CATSPERB: variants seen among roughly 807,000 people sequenced by gnomAD.
CATSPERB encodes cation channel sperm-associated auxiliary subunit beta.
In CATSPERB, 93 loss-of-function variants were observed where a neutral mutation model predicts 128.3. The observed-to-expected ratio is 0.72, with a 90% CI of 0.61 to 0.86. CATSPERB has a LOEUF of 0.86. Ranked by LOEUF, CATSPERB falls within the 40% of genes least tolerant of loss-of-function variation. CATSPERB has a pLI of 0.00. For missense variants in CATSPERB, 1,153 were observed against 1,329.5 expected (o/e 0.87, Z 2.06); for synonymous variants, 381 against 448.8 (o/e 0.85, Z 1.91).
At chr14:91,621,013 C>G (rs916166489) in intron 19 of CATSPERB, among the ~76,000 whole-genome samples, 5 of 152,308 alleles carry the variant, frequency 3.3e-5, no homozygotes, top group African/African-American at 1.2e-4. Flanking sequence ...AATTCTGTGT[C>G]AACTTGGGCT....
chr14:91,591,307 G>A (rs1055216277), intron 23 of CATSPERB, among the ~76,000 whole-genome samples: 7 of 151,894 alleles, frequency 4.6e-5, no homozygotes, highest in Non-Finnish European at 8.8e-5. Context: ...CACCGGCGTT[G>A]GCCTCCCAAA....
chr14:91,604,619 T>C, intron 22 of CATSPERB: 1 of 1,611,364 alleles, frequency 6.2e-7, no homozygotes, highest in Non-Finnish European at 8.5e-7. Context: ...GTTCCAGGCC[T>C]GATTGTTCCA....
intron 21 of CATSPERB, among the ~76,000 whole-genome samples, chr14:91,608,713 A>G (rs983540170): frequency 2.0e-5 from 3 of 152,208 alleles, no homozygotes; most frequent in African/African-American, 7.2e-5. Flanking sequence ...AAGTTTGGTT[A>G]TTTGCTTTTT....
intron 6 of CATSPERB, among the ~76,000 whole-genome samples, chr14:91,706,340 G>T (rs1486928830): frequency 6.6e-6 from 1 of 152,172 alleles, no homozygotes; most frequent in Non-Finnish European, 1.5e-5. Flanking sequence ...ATATTTGTTT[G>T]CAGACCATTC....
At chr14:91,727,989 T>C (rs1896146371) in intron 2 of CATSPERB, among the ~76,000 whole-genome samples, 1 of 152,244 alleles carries the variant, frequency 6.6e-6, no homozygotes, top group South Asian at 2.1e-4. Context: ...TTTCAATAGT[T>C]AAGCCCATTT....
chr14:91,587,023 A>G (rs1373937801), intron 26 of CATSPERB, among the ~76,000 whole-genome samples, 179 bp downstream of exon 26: 2 of 152,158 alleles, frequency 1.3e-5, no homozygotes, highest in Non-Finnish European at 2.9e-5. Context: ...GGCACCCATG[A>G]TGCACCCTGG....
At position 91,659,534 on chromosome 14, in the gene CATSPERB, C is replaced by T. The variant is rs543411854; in HGVS notation, c.1432+303G>A. Among the ~76,000 whole-genome samples, 8 of 152,284 alleles carry T rather than the reference C, an allele frequency of 5.3e-5. No homozygotes were observed. The East Asian group carries it at 1.4e-3, about 26-fold the overall frequency. ...ACTTCAGCAAAGTTGTTCTGAATAT[C>T]AGATGAGATGATATTTGTAACATGC... On this transcript the variant is annotated intron_variant, in intron 15 of 26. Coordinates refer to ENST00000256343, the MANE Select transcript of CATSPERB (RefSeq NM_024764.4).
intron 17 of CATSPERB, among the ~76,000 whole-genome samples, chr14:91,629,066 GGT>G (rs1463890083): frequency 6.6e-6 from 1 of 152,122 alleles, no homozygotes; most frequent in African/African-American, 2.4e-5. Flanking sequence ...CCTGCAAATA[GGT>G]GTTTACAGAA....
At chr14:91,610,045 T>C (rs1204448753) in intron 21 of CATSPERB, among the ~76,000 whole-genome samples, 1 of 152,164 alleles carries the variant, frequency 6.6e-6, no homozygotes, top group African/African-American at 2.4e-5. Flanking sequence ...TTCTAAGCTA[T>C]GAGGTTTGTC....
intron 17 of CATSPERB, among the ~76,000 whole-genome samples, chr14:91,627,644 G>A: frequency 6.6e-6 from 1 of 152,150 alleles, no homozygotes; most frequent in East Asian, 1.9e-4. Context: ...TTTTGAGAAG[G>A]TTTCTTCTGT....
At chr14:91,621,151 C>T (rs899761749) in intron 19 of CATSPERB, among the ~76,000 whole-genome samples, 10 of 152,166 alleles carry the variant, frequency 6.6e-5, no homozygotes, top group African/African-American at 2.4e-4. Flanking sequence ...CCTGTAATCC[C>T]AGCATTTTGG....
chr14:91,678,318 T>C (rs966651821), intron 11 of CATSPERB, among the ~76,000 whole-genome samples: 1 of 152,226 alleles, frequency 6.6e-6, no homozygotes, highest in African/African-American at 2.4e-5. Flanking sequence ...GATTACCTAC[T>C]AAGGCAAACA....
chr14:91,703,572 G>C (rs1895686939), intron 7 of CATSPERB, among the ~76,000 whole-genome samples: 1 of 152,204 alleles, frequency 6.6e-6, no homozygotes, highest in Non-Finnish European at 1.5e-5. Flanking sequence ...GCATCTCCCA[G>C]GAAGTGGGGA....
intron 5 of CATSPERB, among the ~76,000 whole-genome samples, chr14:91,714,287 A>AG (rs1566738948): frequency 2.0e-5 from 2 of 99,260 alleles, no homozygotes; most frequent in Middle Eastern, 5.0e-3. Flanking sequence ...CAAAAAAAAA[A>AG]AAAAAGAAAA....
At chr14:91,674,655 C>T (rs146879238) in intron 11 of CATSPERB, among the ~76,000 whole-genome samples, 136 of 152,208 alleles carry the variant, frequency 8.9e-4, no homozygotes, top group African/African-American at 2.9e-3. Context: ...CCTCCCTTCC[C>T]ACTCGACACT....
At chr14:91,585,435 T>C (rs1566692816) in intron 26 of CATSPERB, among the ~76,000 whole-genome samples, 1 of 152,244 alleles carries the variant, frequency 6.6e-6, no homozygotes, top group Non-Finnish European at 1.5e-5. Flanking sequence ...TTCCACTGAC[T>C]TGCTTTCAAG....
chr14:91,674,066 T>G (rs1322539596), intron 12 of CATSPERB, 110 bp downstream of exon 12: 1 of 645,864 alleles, frequency 1.5e-6, no homozygotes, highest in African/African-American at 1.9e-5. Context: ...AAAGAGTGAT[T>G]GTGAAGCCTT....
At chr14:91,660,362 C>T (rs1894857043) in intron 14 of CATSPERB, among the ~76,000 whole-genome samples, 1 of 152,216 alleles carries the variant, frequency 6.6e-6, no homozygotes, top group African/African-American at 2.4e-5. Context: ...CCCATATTGA[C>T]ATAATACTTC....
At chr14:91,615,332 A>C (rs1378034102) in intron 20 of CATSPERB, among the ~76,000 whole-genome samples, 1 of 152,190 alleles carries the variant, frequency 6.6e-6, no homozygotes, top group Non-Finnish European at 1.5e-5. Context: ...TGATGATCTG[A>C]AGTGGAACAG....
Sources: allele counts gnomAD v4.1 joint callset (sites outside exome capture counted in the v4.1 genomes callset), GRCh38; gene constraint gnomAD v4.1.1; transcripts MANE v1.5; gene names NCBI Gene and HGNC (gene_info 2026-07-23, HGNC 2026-07-21).